ACTR3C: variants seen among roughly 807,000 people sequenced by gnomAD.
The protein encoded by ACTR3C is actin-related protein 3C.
In ACTR3C, 18 loss-of-function variants were observed where a neutral mutation model predicts 26.3. The ratio of observed to expected loss-of-function variants is 0.68; its 90% CI spans 0.47 to 1.01. ACTR3C has a LOEUF of 1.01. Ranked by LOEUF, ACTR3C falls within the 50% of genes least tolerant of loss-of-function variation. ACTR3C has a pLI of 0.00. For missense variants in ACTR3C, 184 were observed against 250.7 expected (o/e 0.73, Z 1.80); for synonymous variants, 55 against 94.5 (o/e 0.58, Z 2.42).
At chr7:150,284,671 TAGAC>T in intron 6 of ACTR3C, 78 bp downstream of exon 6, 1 of 1,144,922 alleles carries the variant, frequency 8.7e-7, no homozygotes, top group Non-Finnish European at 1.2e-6. Flanking sequence ...TTACTAGTAA[TAGAC>T]AGTAATACCG....
the ACTR3C span, among the ~76,000 whole-genome samples, chr7:150,055,828 T>A: frequency 2.0e-4 from 30 of 152,254 alleles, no homozygotes; most frequent in East Asian, 3.3e-3. Context: ...AAACACTGAT[T>A]TCATAAAAAA....
chr7:149,979,095 C>T, the ACTR3C span, among the ~76,000 whole-genome samples: 8 of 152,238 alleles, frequency 5.3e-5, no homozygotes, highest in South Asian at 2.1e-4. Flanking sequence ...AGCATTCTCC[C>T]GTCCACACCA....
At chr7:150,209,693 A>G in the ACTR3C span, among the ~76,000 whole-genome samples, 1 of 149,470 alleles carries the variant, frequency 6.7e-6, no homozygotes, top group Non-Finnish European at 1.5e-5. Flanking sequence ...AGCCTTGCCA[A>G]CATGGTGAAA....
At chr7:150,064,477 A>G in the ACTR3C span, among the ~76,000 whole-genome samples, 3 of 149,182 alleles carry the variant, frequency 2.0e-5, no homozygotes, top group East Asian at 5.9e-4. Flanking sequence ...AGGCAGGAGA[A>G]TCATTTGAAC....
At position 150,291,169 on chromosome 7, in the gene ACTR3C, G is replaced by A. The variant is rs918293769; in HGVS notation, c.154-1576C>T. Among the ~76,000 whole-genome samples the A allele has an allele frequency of 3.2e-4, 49 of 152,196 alleles. 2 individuals carry two copies. Among genetic ancestry groups the A allele is most frequent in the Non-Finnish European group, 8.8e-5 (6 of 68,048 alleles). On this transcript the variant is annotated intron_variant, in intron 3 of 7. Coordinates refer to ENST00000683684, the MANE Select transcript of ACTR3C (RefSeq NM_001164458.2). Reference sequence around the variant, plus strand: ...GCTTAGGCCGGGCATAGTGGCTCACGCCTGTAATCCCAGCACCTTGGGAGG... The same window carrying A: ...GCTTAGGCCGGGCATAGTGGCTCACACCTGTAATCCCAGCACCTTGGGAGG...
intron 6 of ACTR3C, among the ~76,000 whole-genome samples, chr7:150,265,458 C>T (rs1045073644): frequency 4.1e-4 from 63 of 151,954 alleles, no homozygotes; most frequent in African/African-American, 1.5e-3. Flanking sequence ...CTTTGGGAGG[C>T]CGAGGCAGGC....
At chr7:149,987,540 C>A in the ACTR3C span, among the ~76,000 whole-genome samples, 1 of 146,540 alleles carries the variant, frequency 6.8e-6, no homozygotes. Context: ...GCAGTCCAGC[C>A]TGGGCGACAG....
At chr7:149,884,970 C>A in the ACTR3C span, among the ~76,000 whole-genome samples, 1 of 152,148 alleles carries the variant, frequency 6.6e-6, no homozygotes, top group African/African-American at 2.4e-5. Context: ...ATGTCCAAGC[C>A]CTGACACTGT....
chr7:150,203,083 C>G, the ACTR3C span, among the ~76,000 whole-genome samples: 1 of 152,198 alleles, frequency 6.6e-6, no homozygotes, highest in African/African-American at 2.4e-5. Context: ...AGCCTTACCA[C>G]TCAAAATGTG....
the ACTR3C span, among the ~76,000 whole-genome samples, chr7:150,171,343 A>G: frequency 4.0e-4 from 60 of 150,366 alleles, no homozygotes; most frequent in Non-Finnish European, 6.2e-4. Flanking sequence ...AATATTTGGA[A>G]ACCAAATTAT....
At chr7:150,209,024 C>G in the ACTR3C span, among the ~76,000 whole-genome samples, 1 of 151,996 alleles carries the variant, frequency 6.6e-6, no homozygotes. Context: ...TCACAACAAA[C>G]TAGTTATTGC....
the ACTR3C span, chr7:150,047,947 A>G: frequency 2.0e-5 from 25 of 1,223,338 alleles, no homozygotes; most frequent in Non-Finnish European, 2.6e-5. Context: ...AGATTAAAAA[A>G]AAGGCGGTGG....
the ACTR3C span, among the ~76,000 whole-genome samples, chr7:150,070,889 G>C: frequency 6.6e-6 from 1 of 150,658 alleles, no homozygotes; most frequent in Non-Finnish European, 1.5e-5. Context: ...CTGCCTCCCG[G>C]GTTCATGCCA....
At chr7:150,184,084 T>G in the ACTR3C span, among the ~76,000 whole-genome samples, 1 of 150,710 alleles carries the variant, frequency 6.6e-6, no homozygotes, top group Non-Finnish European at 1.5e-5. Context: ...TTCGGGTATT[T>G]CTTCATAGCA....
the ACTR3C span, among the ~76,000 whole-genome samples, chr7:149,896,076 T>TC: frequency 7.2e-6 from 1 of 138,054 alleles, no homozygotes; most frequent in East Asian, 2.1e-4. Flanking sequence ...TAGCCGGGAG[T>TC]CCCAACTACT....
At chr7:150,270,730 G>A (rs917160893) in intron 6 of ACTR3C, among the ~76,000 whole-genome samples, 9 of 151,750 alleles carry the variant, frequency 5.9e-5, no homozygotes, top group Non-Finnish European at 1.3e-4. Context: ...TTGTAAAGTA[G>A]CTCTCCCTGT....
At chr7:150,245,864 T>C (rs1563140939), downstream of ACTR3C, 4 of 152,328 alleles carry the variant, frequency 2.6e-5, no homozygotes, top group South Asian at 6.2e-4. Flanking sequence ...GTTTTGAGGC[T>C]TGTGTAGGAT....
At chr7:149,906,594 G>A in the ACTR3C span, among the ~76,000 whole-genome samples, 1 of 150,964 alleles carries the variant, frequency 6.6e-6, no homozygotes, top group Non-Finnish European at 1.5e-5. Context: ...ACCATCCCGG[G>A]TTAATTTTTG....
At chr7:150,136,644 T>G in the ACTR3C span, among the ~76,000 whole-genome samples, 1 of 151,080 alleles carries the variant, frequency 6.6e-6, no homozygotes, top group African/African-American at 2.5e-5. Flanking sequence ...CAATCCAGGT[T>G]GGGCAACAGA....
Sources: gnomAD v4.1 joint callset for allele counts (sites outside exome capture counted in the v4.1 genomes callset) on GRCh38, gnomAD v4.1.1 for gene constraint, MANE v1.5 for transcripts, NCBI Gene and HGNC (gene_info 2026-07-23, HGNC 2026-07-21) for gene names.